DMGDH: variants seen among roughly 807,000 people sequenced by gnomAD.
DMGDH encodes the protein dimethylglycine dehydrogenase, also known as dimethylglycine dehydrogenase, mitochondrial.
DMGDH carries 76 observed loss-of-function variants against 95.2 expected under a neutral mutation model. That is an observed-to-expected ratio of 0.80 (90% CI 0.66 to 0.97). The LOEUF is 0.97. Among genes scored for constraint, DMGDH ranks in the 50% least tolerant of loss-of-function variants. DMGDH has a pLI of 0.00. For missense variants in DMGDH, 987 were observed against 1,055.0 expected, an observed-to-expected ratio of 0.94 and a Z score of 0.89; for synonymous variants, 345 against 377.6, an observed-to-expected ratio of 0.91 and a Z score of 1.00.
chr5:79,069,287 A>G (rs938088365), intron 1 of DMGDH, among the ~76,000 whole-genome samples: 1 of 152,246 alleles, frequency 6.6e-6, no homozygotes. Flanking sequence ...GGTTAGATTC[A>G]GAAGACACTA....
chr5:79,006,850 C>CCCCCCCCCG lies in DMGDH; in HGVS notation c.2251-1444_2251-1443insCGGGGGGGG, dbSNP rs142991064. Among the ~76,000 whole-genome samples the CCCCCCCCCG allele has an allele frequency of 3.5e-4, 51 of 147,656 alleles. 2 individuals are homozygous for CCCCCCCCCG. Among genetic ancestry groups the CCCCCCCCCG allele is most frequent in the African/African-American group, 5.5e-4 (22 of 40,296 alleles). ...CTCACACACCCTCACCTGAGACCCC[C>CCCCCCCCCG]CCAGTCCATTCCTTTCCTAGTTTAG... On this transcript the variant is annotated intron_variant, in intron 14 of 15. Coordinates refer to ENST00000255189, the MANE Select transcript of DMGDH (RefSeq NM_013391.3).
intron 14 of DMGDH, 27 bp downstream of exon 14, chr5:79,024,244 C>G (rs1488876857): frequency 6.2e-7 from 1 of 1,602,814 alleles, no homozygotes; most frequent in African/African-American, 1.3e-5. Flanking sequence ...AGATTTACTT[C>G]AAGCACACTT....
intron 13 of DMGDH, among the ~76,000 whole-genome samples, chr5:79,025,026 A>G (rs946018060): frequency 2.0e-5 from 3 of 152,230 alleles, no homozygotes; most frequent in Non-Finnish European, 2.9e-5. Flanking sequence ...GTTTTATATG[A>G]CGTAAAACGT....
intron 9 of DMGDH, among the ~76,000 whole-genome samples, chr5:79,031,482 G>A (rs2112627965): frequency 6.6e-6 from 1 of 152,350 alleles, no homozygotes; most frequent in African/African-American, 2.4e-5. Flanking sequence ...TCCACATTCT[G>A]AAGCAGCAGG....
chr5:79,026,256 CT>C (rs1753997661), intron 13 of DMGDH, among the ~76,000 whole-genome samples, 167 bp downstream of exon 13: 1 of 152,132 alleles, frequency 6.6e-6, no homozygotes, highest in African/African-American at 2.4e-5. Context: ...TGAACTTTCA[CT>C]TGAGAAATTA....
intron 7 of DMGDH, among the ~76,000 whole-genome samples, chr5:79,041,939 G>T (rs865811065): frequency 1.4e-4 from 22 of 152,166 alleles, no homozygotes; most frequent in South Asian, 2.1e-4. Context: ...GGCAGAAGTC[G>T]CAGTGAGTCA....
At chr5:79,051,554 T>C (rs1754863570) in intron 4 of DMGDH, 63 bp from the exon 5 acceptor site, 17 of 1,446,106 alleles carry the variant, frequency 1.2e-5, no homozygotes, top group Non-Finnish European at 1.5e-5. Flanking sequence ...AGTAAAAATA[T>C]ATCCTGCTAG....
chr5:79,021,257 T>TA (rs1561211410), intron 14 of DMGDH: 20 of 1,023,906 alleles, frequency 2.0e-5, no homozygotes, highest in Non-Finnish European at 2.3e-5. Context: ...TCTTCACAAT[T>TA]ACGGCTAAGA....
chr5:79,051,505 A>G lies in DMGDH; in HGVS notation c.541-14T>C, dbSNP rs181132191. ...TCCAGCTAAAACCTAAATCAATCAT[A>G]CCAGAGTCAATACTCAAATATATAT... On this transcript the variant is annotated splice_polypyrimidine_tract_variant and intron_variant, in intron 4 of 15. Coordinates refer to ENST00000255189, the MANE Select transcript of DMGDH (RefSeq NM_013391.3). The G allele has an allele frequency of 7.0e-5, 113 of 1,607,196 alleles. No homozygotes were observed. The African/African-American group carries it at 1.4e-3, about 19-fold the overall frequency.
At chr5:79,016,314 T>C (rs189201979) in intron 14 of DMGDH, among the ~76,000 whole-genome samples, 3 of 151,778 alleles carry the variant, frequency 2.0e-5, no homozygotes, top group Admixed American at 2.0e-4. Flanking sequence ...GCTTTATTTT[T>C]ATACAACATG....
chr5:79,010,163 G>A, intron 14 of DMGDH, among the ~76,000 whole-genome samples: 1 of 152,034 alleles, frequency 6.6e-6, no homozygotes, highest in East Asian at 1.9e-4. Context: ...AGATTTTTAA[G>A]TGAAATATAA....
At chr5:79,007,539 A>G (rs776082964) in intron 14 of DMGDH, among the ~76,000 whole-genome samples, 1 of 152,206 alleles carries the variant, frequency 6.6e-6, no homozygotes, top group Non-Finnish European at 1.5e-5. Flanking sequence ...ATCATAGAAT[A>G]ATGATGACAA....
intron 5 of DMGDH, among the ~76,000 whole-genome samples, chr5:79,046,736 G>A (rs1004369701): frequency 2.0e-5 from 3 of 152,182 alleles, no homozygotes; most frequent in South Asian, 2.1e-4. Context: ...TCAGGACTGT[G>A]TACAAAAATA....
intron 1 of DMGDH, among the ~76,000 whole-genome samples, chr5:79,065,848 G>C (rs7714436): frequency 0.07 from 10,692 of 152,098 alleles, 505 homozygotes; most frequent in Middle Eastern, 0.11. Context: ...GAATTTTTCA[G>C]CTCCATTATA....
chr5:79,050,266 AAAAAAAAATATATATAT>A (rs1442398731), intron 5 of DMGDH, among the ~76,000 whole-genome samples: 4,395 of 55,436 alleles, frequency 0.079, 71 homozygotes, highest in East Asian at 0.13. Context: ...AAAAAAAAAA[AAAAAAAAATATATATAT>A]ATATATATAT....
chr5:79,067,695 ATAAC>A (rs1755417583), intron 1 of DMGDH, among the ~76,000 whole-genome samples: 1 of 152,202 alleles, frequency 6.6e-6, no homozygotes, highest in South Asian at 2.1e-4. Context: ...GATTATGTGG[ATAAC>A]TATCTTAAAA....
chr5:79,042,274 G>C lies in DMGDH; in HGVS notation c.1193+9C>G. ...TACAATAAATGTTGAATTACATGAA[G>C]ATACTTACCCAAAGCCTATAGCCAC... On this transcript the variant is annotated intron_variant, in intron 7 of 15. Transcript: ENST00000255189. The C allele has an allele frequency of 6.2e-7, 1 of 1,612,238 alleles. No homozygotes were observed. Among genetic ancestry groups the C allele is most frequent in the East Asian group, 2.2e-5 (1 of 44,878 alleles).
At position 79,005,291 on chromosome 5, in the gene DMGDH, GC is replaced by G; in HGVS notation, c.2366del (p.Ser789ThrfsTer34). 1 of 1,613,784 alleles carries G rather than the reference GC, an allele frequency of 6.2e-7. No homozygotes were observed. Among genetic ancestry groups the G allele is most frequent in the Non-Finnish European group, 8.5e-7 (1 of 1,179,916 alleles). ...TDDVDPEGNE[S>X]IWYNGKVVGN... ...CACTCACCTTGCCATTGTACCAGAT[GC>G]TTTCATTTCCCTCTGGATCAACATC... On this transcript the variant is annotated frameshift_variant, in exon 15 of 16. Transcript: ENST00000255189. LOFTEE classifies it high-confidence loss of function.
chr5:79,043,530 G>T (rs1754579196), intron 6 of DMGDH, among the ~76,000 whole-genome samples: 1 of 152,186 alleles, frequency 6.6e-6, no homozygotes, highest in African/African-American at 2.4e-5. Flanking sequence ...GTAGAGTGGA[G>T]GGATTCATTT....
Sources: allele counts gnomAD v4.1 joint callset (sites outside exome capture counted in the v4.1 genomes callset), GRCh38; gene constraint gnomAD v4.1.1; transcripts MANE v1.5; gene names NCBI Gene and HGNC (gene_info 2026-07-23, HGNC 2026-07-21).